Variants in CUL9 observed in about 807,000 individuals in gnomAD.
The protein encoded by CUL9 is cullin 9, also known as cullin-9.
Under a neutral mutation model 272.6 loss-of-function variants are expected in CUL9, and 79 were observed. That is an observed-to-expected ratio of 0.29 (90% CI 0.24 to 0.35). The LOEUF (loss-of-function observed/expected upper bound fraction) is 0.35, where lower values mean the gene tolerates loss of function less well. Ranked by LOEUF, CUL9 falls within the 10% of genes least tolerant of loss-of-function variation. The pLI is 1.00. For synonymous variants in CUL9, 1,186 were observed against 1,286.5 expected, an observed-to-expected ratio of 0.92 and a Z score of 1.67; for missense variants, 2,532 against 3,255.6, an observed-to-expected ratio of 0.78 and a Z score of 5.41.
At chr6:43,188,195 G>A (rs768621397) in intron 7 of CUL9, 77 bp downstream of exon 7, 18 of 1,539,490 alleles carry the variant, frequency 1.2e-5, no homozygotes, top group Admixed American at 3.7e-5. Flanking sequence ...AGTCAGGATC[G>A]AAGGAAAGCC....
chr6:43,192,937 C>A, intron 8 of CUL9, 64 bp from the exon 9 acceptor site: 1 of 1,464,194 alleles, frequency 6.8e-7, no homozygotes, highest in Non-Finnish European at 9.6e-7. Flanking sequence ...CCGACGGTGC[C>A]ATGGCTGGGA....
chr6:43,200,648 C>G lies in CUL9; in HGVS notation c.3476-15C>G. On this transcript the variant is annotated splice_polypyrimidine_tract_variant and intron_variant, in intron 15 of 40. Coordinates refer to ENST00000252050, the MANE Select transcript of CUL9 (RefSeq NM_015089.4). The surrounding 1 kb of genome is among the most constrained non-coding windows in gnomAD (Gnocchi z 4.0). ...AACCTAGCTGTGACTGCCACCCCTT[C>G]CCACTTGCCCCCAGGCTCCAGTGTG... The G allele has an allele frequency of 1.2e-6, 2 of 1,614,156 alleles. No individual in the cohort carries two copies. Among genetic ancestry groups the G allele is most frequent in the South Asian group, 2.2e-5 (2 of 91,084 alleles).
intron 4 of CUL9, 97 bp downstream of exon 4, chr6:43,186,552 A>G: frequency 6.8e-7 from 1 of 1,476,756 alleles, no homozygotes; most frequent in Non-Finnish European, 9.0e-7. Context: ...CCACCCAAGA[A>G]GAACCCCCCT....
chr6:43,187,832 G>C lies in CUL9; in HGVS notation c.1701G>C (p.Gln567His), dbSNP rs966519355. The C allele has an allele frequency of 6.2e-7, 1 of 1,614,024 alleles. No individual in the cohort carries two copies. The highest frequency in any genetic ancestry group is 1.3e-5 in the African/African-American group (1 of 74,964). ...CTCTCAATGACCTGCTCAACTCCCA[G>C]ATCTACACCAAGTATGGGCTGCTGT... ...GSTLNDLLNS[Q>H]IYTKYGLLSN... Residue 567 changes from glutamine to histidine, a missense_variant, in exon 7 of 41, where the codon CAG (glutamine) becomes CAC (histidine). Physicochemically the swap from Gln to His is conservative, Grantham distance 24. Transcript: ENST00000252050.
Position 43,218,446 on chromosome 6 carries a change from G to A in CUL9, c.6282+1943G>A, listed in dbSNP as rs1369957487. Among the ~76,000 whole-genome samples the A allele has an allele frequency of 6.6e-6, 1 of 151,828 alleles. No individual in the cohort carries two copies. The highest frequency in any genetic ancestry group is 2.0e-4 in the East Asian group (1 of 5,120). The stretch of plus-strand genomic sequence containing the variant: ...TTAGCCAGGATGGTCTCGATCTCCT[G>A]ACCTCGTGATCCACCCACCTCAGCC... On this transcript the variant is annotated intron_variant, in intron 31 of 40. Transcript: ENST00000252050. This position sits in a 1 kb window ranked among gnomAD's most constrained non-coding sequence, Gnocchi z 4.4.
At chr6:43,183,746 C>T (rs6902806) in intron 1 of CUL9, among the ~76,000 whole-genome samples, 24,344 of 150,858 alleles carry the variant, frequency 0.16, 2,731 homozygotes, top group African/African-American at 0.32. Context: ...TCCTCTCTCT[C>T]TCTTTCTTTC....
chr6:43,183,248 TA>T (rs1772583054), intron 1 of CUL9, among the ~76,000 whole-genome samples: 1 of 152,200 alleles, frequency 6.6e-6, no homozygotes, highest in Non-Finnish European at 1.5e-5. Context: ...CTACTTAACT[TA>T]CTTAAATCCT....
chr6:43,222,700 T>C (rs1776475289), intron 37 of CUL9, 59 bp downstream of exon 37: 4 of 1,604,692 alleles, frequency 2.5e-6, no homozygotes, highest in Admixed American at 3.3e-5. Flanking sequence ...TCTGGGGGGC[T>C]TGGCTGCTTT....
intron 26 of CUL9, among the ~76,000 whole-genome samples, chr6:43,211,255 C>T (rs895782679): frequency 2.0e-5 from 3 of 152,156 alleles, no homozygotes; most frequent in African/African-American, 7.2e-5. Context: ...TTTTAAAATA[C>T]ATCTGTTAGA....
Position 43,224,022 on chromosome 6 carries a change from A to C in CUL9, c.7285-73A>C. ...AGGAGCTTGGCCCTCCCAGAGCATC[A>C]GTGGAAGGAATGCTGGGTCCAAAGG... On this transcript the variant is annotated intron_variant, in intron 39 of 40. Coordinates refer to ENST00000252050, the MANE Select transcript of CUL9 (RefSeq NM_015089.4). The surrounding 1 kb of genome is among the most constrained non-coding windows in gnomAD (Gnocchi z 4.2). 1.4e-6 allele frequency: 2 copies of C among 1,411,980 alleles called. No individual in the cohort carries two copies. The highest frequency in any genetic ancestry group is 1.0e-6 in the Non-Finnish European group (1 of 996,292). The allele number at this position is 1,411,980 out of a possible 1,614,324, so 87.5% of individuals were successfully genotyped here. A position where few individuals can be genotyped will look rare whatever the true frequency, so the allele number is the denominator to read the frequency against.
intron 8 of CUL9, among the ~76,000 whole-genome samples, chr6:43,189,428 C>T (rs1773234643): frequency 6.6e-6 from 1 of 152,192 alleles, no homozygotes; most frequent in Admixed American, 6.5e-5. Context: ...TCGTGATCTG[C>T]CTGCCTCGGC....
In CUL9 at chr6:43,222,646, T is replaced by C. The variant is rs1582443826; in HGVS notation, c.7032+5T>C. ...GGACTGGAGCAGGCTCGGAAGGTGG[T>C]AGCGGGTGGGGGAAGAGAGCAGGGG... On this transcript the variant is annotated splice_donor_5th_base_variant and intron_variant, in intron 37 of 40. Transcript: ENST00000252050. 6.2e-7 allele frequency: 1 copy of C among 1,611,312 alleles called. No individual in the cohort carries two copies.
intron 8 of CUL9, 67 bp downstream of exon 8, chr6:43,188,782 A>G: frequency 7.5e-7 from 1 of 1,327,344 alleles, no homozygotes; most frequent in South Asian, 1.4e-5. Flanking sequence ...GTAGCGGGGA[A>G]GGAGCTTTGA....
chr6:43,200,792 C>T lies in CUL9; in HGVS notation c.3605C>T (p.Ser1202Phe). 2 of 1,614,204 alleles carry T rather than the reference C, an allele frequency of 1.2e-6. No individual in the cohort carries two copies. The highest frequency in any genetic ancestry group is 1.7e-6 in the Non-Finnish European group (2 of 1,180,046). Residue 1202 changes from serine to phenylalanine, a missense_variant, in exon 16 of 41, where the codon TCC (serine) becomes TTC (phenylalanine). By Grantham distance (155) the Ser-to-Phe change is radical. This residue lies in a region of CUL9 where 2,218 missense variants were observed against 2,788.6 expected (regional missense o/e 0.80). Coordinates refer to ENST00000252050, the MANE Select transcript of CUL9 (RefSeq NM_015089.4). This position sits in a 1 kb window ranked among gnomAD's most constrained non-coding sequence, Gnocchi z 4.0. The stretch of plus-strand genomic sequence containing the variant: ...TGGGAGTCCAACGGCAGCACCGGCT[C>T]CCACTACATCACCCTGCACATGCAC... ...TYWESNGSTGSHYITLHMHRG... is the reference protein window; with the variant it reads ...TYWESNGSTGFHYITLHMHRG...
rs531037251 is a variant in CUL9, at chr6:43,186,427, A to G, written c.1223A>G (p.Gln408Arg). 69 of 1,600,478 alleles carry G rather than the reference A, an allele frequency of 4.3e-5. No homozygotes were observed. In the South Asian group the frequency reaches 7.6e-4, roughly 18 times the overall value. ...ISAGDEGEFR[Q>R]SNNGIPPVQV... Reference sequence around the variant, plus strand: ...GCTGGGGACGAGGGCGAGTTCCGGCAGAGCAACAACGGCATTCCCCCTGTG... The same window carrying G: ...GCTGGGGACGAGGGCGAGTTCCGGCGGAGCAACAACGGCATTCCCCCTGTG... Residue 408 changes from glutamine (Q) to arginine (R), a missense_variant, in exon 4 of 41, where the codon CAG (glutamine) becomes CGG (arginine). Transcript: ENST00000252050.
chr6:43,205,020 T>G lies in CUL9; in HGVS notation c.4537T>G (p.Ser1513Ala), dbSNP rs1331923851. 2.9e-5 allele frequency: 46 copies of G among 1,613,320 alleles called. No individual in the cohort carries two copies. Among genetic ancestry groups the G allele is most frequent in the Non-Finnish European group, 3.9e-5 (46 of 1,179,728 alleles). The stretch of plus-strand genomic sequence containing the variant: ...CTATGAGCACTTGCAGAGAGCAGGC[T>G]CCGAGCTGTTTGGGCCTCGGGCAGC... ...KLYEHLQRAGSELFGPRAAFM... is the reference protein window; with the variant it reads ...KLYEHLQRAGAELFGPRAAFM... Residue 1513 changes from serine (S) to alanine (A), a missense_variant, in exon 23 of 41, where the codon TCC becomes GCC. Physicochemically the swap from Ser to Ala is moderately conservative, Grantham distance 99. Around this residue, in one of 3 missense-constraint regions of CUL9, gnomAD observed 2,218 missense variants for 2,788.6 expected, o/e 0.80. Transcript: ENST00000252050.
In CUL9 at chr6:43,200,205, A is replaced by G; in HGVS notation, c.3384+49A>G. ...AGCTGAGAGAATGCAAGTCAGAAGC[A>G]GGAGAAGGGGATTCACTGTGTTCCT... On this transcript the variant is annotated intron_variant, in intron 14 of 40. Coordinates refer to ENST00000252050, the MANE Select transcript of CUL9 (RefSeq NM_015089.4). This position sits in a 1 kb window ranked among gnomAD's most constrained non-coding sequence, Gnocchi z 4.0. 1.3e-6 allele frequency: 2 copies of G among 1,552,484 alleles called. No individual in the cohort carries two copies. The highest frequency in any genetic ancestry group is 2.3e-5 in the East Asian group (1 of 44,074).
In CUL9 at chr6:43,185,511, C is replaced by T. The variant is rs1223826683; in HGVS notation, c.651C>T (p.His217=). The T allele has an allele frequency of 1.1e-5, 18 of 1,614,050 alleles. No homozygotes were observed. The highest frequency in any genetic ancestry group is 1.5e-5 in the Non-Finnish European group (18 of 1,180,028). Residue 217 remains histidine (H), a synonymous_variant, in exon 3 of 41, where the codon CAC becomes CAT. Transcript: ENST00000252050. ...SLSQQDGIEQ[H]MDFDSRYTLL... ...GCCAGCAAGATGGCATCGAGCAGCA[C>T]ATGGATTTTGACAGTCGCTATACAT...
rs774533361 is a variant in CUL9 at position 43,221,197 on chromosome 6, G to A, written c.6628G>A (p.Val2210Ile). 1 of 1,611,454 alleles carries A rather than the reference G, an allele frequency of 6.2e-7. No homozygotes were observed. The highest frequency in any genetic ancestry group is 8.5e-7 in the Non-Finnish European group (1 of 1,179,986). The change falls in exon 34 of 41, where the codon GTC becomes ATC. Residue 2210 changes from valine to isoleucine, a missense_variant. Coordinates refer to ENST00000252050, the MANE Select transcript of CUL9 (RefSeq NM_015089.4). This position sits in a 1 kb window ranked among gnomAD's most constrained non-coding sequence, Gnocchi z 4.2. ...PASCGHMSQW[V>I]DDGGYYDGMS... ...TAGCTGTGGCCATATGTCTCAGTGGGTCGACGACGGTGGCTACTATGACGG... is the reference window on the plus strand; with the variant it reads ...TAGCTGTGGCCATATGTCTCAGTGGATCGACGACGGTGGCTACTATGACGG...
Sources: allele counts gnomAD v4.1 joint callset (sites outside exome capture counted in the v4.1 genomes callset), GRCh38; gene constraint gnomAD v4.1.1; regional missense constraint gnomAD v4.1.1; non-coding constraint Gnocchi (gnomAD v3.1); transcripts MANE v1.5; gene names NCBI Gene and HGNC (gene_info 2026-07-23, HGNC 2026-07-21).